Variants in HS6ST2 observed in about 807,000 individuals in gnomAD.
The protein encoded by HS6ST2 is heparan sulfate 6-O-sulfotransferase 2, also known as heparan-sulfate 6-O-sulfotransferase 2.
HS6ST2 carries 17 observed loss-of-function variants against 33.0 expected under a neutral mutation model. The observed-to-expected ratio is 0.52, with a 90% CI of 0.35 to 0.77. The LOEUF (loss-of-function observed/expected upper bound fraction) is 0.77. Among genes scored for constraint, HS6ST2 ranks in the 30% least tolerant of loss-of-function variants. The probability of loss-of-function intolerance (pLI) is 0.01; values close to 1 mark genes in which losing one functional copy is unlikely to be tolerated. For synonymous variants in HS6ST2, 248 were observed against 237.1 expected, an observed-to-expected ratio of 1.05 and a Z score of -0.42; for missense variants, 519 against 551.7, an observed-to-expected ratio of 0.94 and a Z score of 0.59.
chrX:132,772,586 C>T (rs2064911065), intron 2 of HS6ST2, among the ~76,000 whole-genome samples: 1 of 100,755 alleles, frequency 9.9e-6, no homozygotes, highest in Admixed American at 1.1e-4. Flanking sequence ...TAATTGTATT[C>T]TATATAATGA....
chrX:132,717,766 G>A (rs1471396972), intron 2 of HS6ST2, among the ~76,000 whole-genome samples: 1 of 111,817 alleles, frequency 8.9e-6, no homozygotes, highest in Admixed American at 9.5e-5. Context: ...TGCTGCTCCC[G>A]ATGGAGGTGC....
intron 3 of HS6ST2, 113 bp from the exon 4 acceptor site, chrX:132,669,312 A>G: frequency 2.4e-6 from 1 of 419,746 alleles, no homozygotes; most frequent in Non-Finnish European, 3.7e-6. Context: ...TCCCCCCACC[A>G]CCCCCTGGCC....
At chrX:132,875,489 GA>G (rs1262814195) in intron 2 of HS6ST2, among the ~76,000 whole-genome samples, 1 of 110,525 alleles carries the variant, frequency 9.0e-6, no homozygotes, top group Non-Finnish European at 1.9e-5. Flanking sequence ...AAAAAAAAGT[GA>G]AAAAAATGTG....
intron 2 of HS6ST2, among the ~76,000 whole-genome samples, chrX:132,738,055 C>T (rs527694926): frequency 2.7e-5 from 3 of 112,692 alleles, no homozygotes; most frequent in South Asian, 3.7e-4. Flanking sequence ...TGACCTGAAC[C>T]GGCAGCCCTC....
chrX:132,666,159 T>G (rs1250075554), intron 4 of HS6ST2, among the ~76,000 whole-genome samples: 1 of 111,724 alleles, frequency 9.0e-6, no homozygotes, highest in Non-Finnish European at 1.9e-5. Context: ...GACCTAACCT[T>G]GCTACATGAA....
intron 2 of HS6ST2, among the ~76,000 whole-genome samples, chrX:132,749,184 C>A (rs189125805): frequency 2.7e-5 from 3 of 112,142 alleles, no homozygotes; most frequent in African/African-American, 9.7e-5. Context: ...TTGTTCTTGC[C>A]GCTACCATGG....
At chrX:132,866,742 T>C (rs1317754412) in intron 2 of HS6ST2, among the ~76,000 whole-genome samples, 3 of 66,844 alleles carry the variant, frequency 4.5e-5, no homozygotes, top group African/African-American at 6.1e-5. Flanking sequence ...TTTGAAGCAA[T>C]TGTGAATGGG....
intron 3 of HS6ST2, among the ~76,000 whole-genome samples, chrX:132,701,998 A>C (rs955603399): frequency 1.8e-5 from 2 of 112,357 alleles, no homozygotes; most frequent in African/African-American, 3.2e-5. Context: ...TTAAAACAAG[A>C]CACAATGTTT....
Position 132,926,694 on chromosome X carries a change from G to A in HS6ST2, c.947+30114C>T, listed in dbSNP as rs181311251. ...TCCTAGCACTTTGGGAGGCCAAGGC[G>A]GGTGGATCACTTGAGGCCAGGAGTT... is the stretch of plus-strand genomic sequence containing the variant. On this transcript the variant is annotated intron_variant, in intron 2 of 4. Transcript: ENST00000370833. Among the ~76,000 whole-genome samples the A allele has an allele frequency of 3.1e-3, 351 of 112,027 alleles. 2 individuals are homozygous for A. Among genetic ancestry groups the A allele is most frequent in the African/African-American group, 0.011 (332 of 30,877 alleles).
intron 2 of HS6ST2, among the ~76,000 whole-genome samples, chrX:132,802,569 C>T (rs1014582388): frequency 2.7e-5 from 3 of 111,148 alleles, no homozygotes; most frequent in Non-Finnish European, 5.7e-5. Context: ...GCTATTTCCC[C>T]TAGAAGATGA....
At chrX:132,697,913 G>T (rs913295932) in intron 3 of HS6ST2, among the ~76,000 whole-genome samples, 3 of 111,802 alleles carry the variant, frequency 2.7e-5, no homozygotes, top group Non-Finnish European at 5.6e-5. Flanking sequence ...TCACACTAAA[G>T]ATGTAATTAA....
At chrX:132,697,053 A>G (rs960225594) in intron 3 of HS6ST2, among the ~76,000 whole-genome samples, 6 of 112,461 alleles carry the variant, frequency 5.3e-5, no homozygotes, top group African/African-American at 1.9e-4. Flanking sequence ...GTAATCTATT[A>G]CATGTCATAT....
chrX:132,923,753 G>A (rs1602880555), intron 2 of HS6ST2, among the ~76,000 whole-genome samples: 4 of 110,920 alleles, frequency 3.6e-5, no homozygotes, highest in Non-Finnish European at 7.5e-5. Context: ...TAGAGCCACC[G>A]AGCTGAGCAG....
intron 3 of HS6ST2, among the ~76,000 whole-genome samples, chrX:132,706,079 A>T (rs1299428029): frequency 1.8e-5 from 2 of 111,409 alleles, no homozygotes; most frequent in Non-Finnish European, 3.8e-5. Context: ...ACAAAAAAAA[A>T]AAAGTGTGGC....
chrX:132,674,365 A>G (rs1487955620), intron 3 of HS6ST2, among the ~76,000 whole-genome samples: 1 of 111,921 alleles, frequency 8.9e-6, no homozygotes. Flanking sequence ...CTTCTTATCT[A>G]CAAAGGAGAG....
At chrX:132,727,233 TA>T (rs1173047200) in intron 2 of HS6ST2, among the ~76,000 whole-genome samples, 1 of 86,560 alleles carries the variant, frequency 1.2e-5, no homozygotes, top group African/African-American at 4.5e-5. Context: ...TTACTAGCAT[TA>T]TTGGGGGGGG....
chrX:132,688,196 G>T (rs1433108575), intron 3 of HS6ST2, among the ~76,000 whole-genome samples: 1 of 111,836 alleles, frequency 8.9e-6, no homozygotes, highest in Non-Finnish European at 1.9e-5. Flanking sequence ...CCAGGGGATG[G>T]GGATGACAGG....
At chrX:132,908,991 G>GAAAAAAA (rs397975321) in intron 2 of HS6ST2, among the ~76,000 whole-genome samples, 1 of 40,855 alleles carries the variant, frequency 2.4e-5, no homozygotes, top group African/African-American at 9.3e-5. Context: ...GAACTCCACT[G>GAAAAAAA]AAAAAAAAAA....
intron 4 of HS6ST2, among the ~76,000 whole-genome samples, chrX:132,639,685 G>C (rs1468121761): frequency 1.8e-5 from 2 of 111,742 alleles, no homozygotes; most frequent in Non-Finnish European, 3.8e-5. Context: ...TTGAGGATTG[G>C]CATCTGGAAC....
Sources: allele counts gnomAD v4.1 joint callset (sites outside exome capture counted in the v4.1 genomes callset), GRCh38; gene constraint gnomAD v4.1.1; transcripts MANE v1.5; gene names NCBI Gene and HGNC (gene_info 2026-07-23, HGNC 2026-07-21).